The following GPR183 variants were observed in gnomAD, a reference collection of about 807,000 sequenced individuals.
The protein encoded by GPR183 is G protein-coupled receptor 183.
In GPR183, 9 loss-of-function variants were observed where a neutral mutation model predicts 19.7. That is an observed-to-expected ratio of 0.46 (90% CI 0.28 to 0.80). GPR183 has a LOEUF of 0.80. GPR183 is among the 30% of genes least tolerant of loss of function. The probability of loss-of-function intolerance (pLI) is 0.13; values close to 1 mark genes in which losing one functional copy is unlikely to be tolerated. For missense variants in GPR183, 368 were observed against 446.7 expected (o/e 0.82, Z 1.59); for synonymous variants, 160 against 155.1 (o/e 1.03, Z -0.24).
rs560820628 is a variant in GPR183 at position 99,300,373 on chromosome 13, C to T, written c.-18-4210G>A. ...TTAGTAACCTCTTGAAGGATGATTC[C>T]GCTAGCTGGCCCTAATATGTCACTT... On this transcript the variant is annotated intron_variant, in intron 1 of 1. Transcript: ENST00000376414. Among the ~76,000 whole-genome samples the T allele has an allele frequency of 8.5e-5, 13 of 152,288 alleles. No homozygotes were observed. In the South Asian group the frequency reaches 1.9e-3, roughly 22 times the overall value.
At chr13:99,304,729 GAA>G (rs138228577) in intron 1 of GPR183, among the ~76,000 whole-genome samples, 2,181 of 152,312 alleles carry the variant, frequency 0.014, 50 homozygotes, top group African/African-American at 0.051. Flanking sequence ...GACAGAAGGT[GAA>G]ACGGAGGCAC....
rs1311755193 is a variant in GPR183 at position 99,295,366 on chromosome 13, G to A, written c.780C>T (p.Tyr260=). ...IVVFVLCFTP[Y]HVAIIQHMIK... ...TCATATGTTGAATAATTGCAACATG[G>A]TAAGGTGTGAAACAGAGAACAAACA... Residue 260 remains tyrosine, a synonymous_variant, in exon 2 of 2, where the codon TAC becomes TAT. Transcript: ENST00000376414. The surrounding 1 kb of genome is among the most constrained non-coding windows in gnomAD (Gnocchi z 4.1). The A allele has an allele frequency of 1.2e-6, 2 of 1,613,864 alleles. No individual in the cohort carries two copies. Among genetic ancestry groups the A allele is most frequent in the Non-Finnish European group, 1.7e-6 (2 of 1,179,796 alleles).
rs2044142800 is a variant in GPR183, at chr13:99,294,786, C to T, written c.*274G>A. On this transcript the variant is annotated 3_prime_UTR_variant, in exon 2 of 2. Transcript: ENST00000376414. ...AATTAAATTTTTTATTAAAACAAAA[C>T]TTTTTACATTGGGAGTTATTAAGAG... is the stretch of plus-strand genomic sequence containing the variant. The T allele has an allele frequency of 3.9e-6, 1 of 255,178 alleles. No homozygotes were observed. The highest frequency in any genetic ancestry group is 1.0e-4 in the South Asian group (1 of 9,944). 15.8% of individuals were successfully genotyped at this position (255,178 alleles called of 1,614,324 possible). A position where few individuals can be genotyped will look rare whatever the true frequency, so the allele number is the denominator to read the frequency against.
At chr13:99,297,699 A>C (rs571438886) in intron 1 of GPR183, among the ~76,000 whole-genome samples, 3 of 152,170 alleles carry the variant, frequency 2.0e-5, no homozygotes, top group African/African-American at 7.2e-5. Context: ...TGGGAAAAAA[A>C]CAAAGAATGA....
chr13:99,297,227 A>G (rs2044189420), intron 1 of GPR183, among the ~76,000 whole-genome samples: 1 of 152,192 alleles, frequency 6.6e-6, no homozygotes, highest in Non-Finnish European at 1.5e-5. Flanking sequence ...GTAAACTTTG[A>G]TTAAAGCAGG....
chr13:99,298,983 A>C (rs2138725729), intron 1 of GPR183, among the ~76,000 whole-genome samples: 1 of 152,318 alleles, frequency 6.6e-6, no homozygotes, highest in East Asian at 1.9e-4. Context: ...GAGTATTTCT[A>C]AGCAGATTCA....
chr13:99,300,131 G>T (rs1284213162), intron 1 of GPR183, among the ~76,000 whole-genome samples: 1 of 152,226 alleles, frequency 6.6e-6, no homozygotes, highest in Non-Finnish European at 1.5e-5. Context: ...AGGGCAGGGG[G>T]TGCCCACTTC....
intron 1 of GPR183, among the ~76,000 whole-genome samples, chr13:99,302,803 C>T (rs1024851811): frequency 6.6e-6 from 1 of 152,198 alleles, no homozygotes; most frequent in Non-Finnish European, 1.5e-5. Flanking sequence ...TAATAATACG[C>T]TGCTAACCAA....
chr13:99,303,019 T>TA (rs2044279530), intron 1 of GPR183, among the ~76,000 whole-genome samples: 1 of 152,070 alleles, frequency 6.6e-6, no homozygotes, highest in Non-Finnish European at 1.5e-5. Flanking sequence ...CCCTGCCTCC[T>TA]GGGGGCTTGC....
intron 1 of GPR183, among the ~76,000 whole-genome samples, chr13:99,300,550 G>A (rs1199165746): frequency 6.6e-6 from 1 of 152,152 alleles, no homozygotes; most frequent in East Asian, 1.9e-4. Flanking sequence ...TCTTCCCTTA[G>A]AGATATTACT....
At chr13:99,298,721 A>C (rs1011199451) in intron 1 of GPR183, among the ~76,000 whole-genome samples, 8 of 152,182 alleles carry the variant, frequency 5.3e-5, no homozygotes, top group Admixed American at 6.5e-5. Flanking sequence ...ATAGAAAATC[A>C]TAGGGATTTC....
intron 1 of GPR183, among the ~76,000 whole-genome samples, chr13:99,306,385 A>G (rs527797454): frequency 1.3e-5 from 2 of 152,112 alleles, no homozygotes; most frequent in Admixed American, 1.3e-4. Flanking sequence ...CTGAAGCCAG[A>G]TATTAGGTAA....
intron 1 of GPR183, among the ~76,000 whole-genome samples, chr13:99,301,886 A>C (rs1345083797): frequency 6.6e-6 from 1 of 152,206 alleles, no homozygotes; most frequent in African/African-American, 2.4e-5. Flanking sequence ...TTTTGCTGAA[A>C]TGTCACCTTT....
intron 1 of GPR183, among the ~76,000 whole-genome samples, chr13:99,300,152 G>A (rs1262591987): frequency 2.0e-5 from 3 of 152,226 alleles, no homozygotes; most frequent in African/African-American, 7.2e-5. Context: ...CAGGAGAGGT[G>A]CCTTCCCAAA....
chr13:99,304,156 GC>G, intron 1 of GPR183, among the ~76,000 whole-genome samples: 1 of 152,326 alleles, frequency 6.6e-6, no homozygotes, highest in Middle Eastern at 3.4e-3. Context: ...TTGCTGGTCA[GC>G]TTCCCCTGAT....
rs141594545 is a variant in GPR183, at chr13:99,296,025, C to G, written c.121G>C (p.Val41Leu). The G allele has an allele frequency of 2.2e-5, 36 of 1,613,906 alleles. No homozygotes were observed. The African/African-American group carries it at 4.1e-4, about 19-fold the overall frequency. The change falls in exon 2 of 2, where the codon GTC (valine) becomes CTC (leucine). Residue 41 changes from valine to leucine, a missense_variant. Transcript: ENST00000376414. Reference sequence around the variant, plus strand: ...TTTCCCACGAGCCCAATGATGAAGACGAGGCTGTAATGCAGAGGCATTACT... The same window carrying G: ...TTTCCCACGAGCCCAATGATGAAGAGGAGGCTGTAATGCAGAGGCATTACT... ...RIVMPLHYSL[V>L]FIIGLVGNLL...
At chr13:99,299,146 G>A (rs1015053414) in intron 1 of GPR183, among the ~76,000 whole-genome samples, 12 of 152,304 alleles carry the variant, frequency 7.9e-5, no homozygotes, top group African/African-American at 2.2e-4. Context: ...GTATACAAAT[G>A]CGTGTCTGAC....
chr13:99,297,712 A>G (rs1219173120), intron 1 of GPR183, among the ~76,000 whole-genome samples: 4 of 152,122 alleles, frequency 2.6e-5, no homozygotes, highest in Admixed American at 1.3e-4. Flanking sequence ...AAGAATGAGG[A>G]TGGTAAGTAG....
chr13:99,300,901 G>A (rs945514319), intron 1 of GPR183, among the ~76,000 whole-genome samples: 2 of 152,166 alleles, frequency 1.3e-5, no homozygotes, highest in South Asian at 2.1e-4. Flanking sequence ...TTATTTTCAG[G>A]TAGAAAATTT....
Sources: gnomAD v4.1 joint callset for allele counts (sites outside exome capture counted in the v4.1 genomes callset) on GRCh38, gnomAD v4.1.1 for gene constraint, Gnocchi (gnomAD v3.1) non-coding constraint, MANE v1.5 for transcripts, NCBI Gene and HGNC (gene_info 2026-07-23, HGNC 2026-07-21) for gene names.